Variants in GTSF1 observed in about 807,000 individuals in gnomAD.
The protein encoded by GTSF1 is gametocyte specific factor 1.
In GTSF1, 11 loss-of-function variants were observed where a neutral mutation model predicts 28.9. The observed-to-expected ratio is 0.38, with a 90% CI of 0.24 to 0.63. The LOEUF (loss-of-function observed/expected upper bound fraction) is 0.63. Ranked by LOEUF, GTSF1 falls within the 30% of genes least tolerant of loss-of-function variation. The probability of loss-of-function intolerance (pLI) is 0.56; values close to 1 mark genes in which losing one functional copy is unlikely to be tolerated. For synonymous variants in GTSF1, 69 were observed against 65.6 expected, an observed-to-expected ratio of 1.05 and a Z score of -0.25; for missense variants, 146 against 201.0, an observed-to-expected ratio of 0.73 and a Z score of 1.66.
intron 8 of GTSF1, among the ~76,000 whole-genome samples, chr12:54,458,298 G>A (rs1188213157): frequency 6.6e-6 from 1 of 152,232 alleles, no homozygotes; most frequent in Non-Finnish European, 1.5e-5. Flanking sequence ...TAGATTTTGT[G>A]AGGTTCTGCT....
In GTSF1 at chr12:54,460,121, G is replaced by A. The variant is rs117491780; in HGVS notation, c.487+256C>T. Among the ~76,000 whole-genome samples, 881 of 152,228 alleles carry A rather than the reference G, an allele frequency of 5.8e-3. 8 individuals carry two copies. Among genetic ancestry groups the A allele is most frequent in the Non-Finnish European group, 8.5e-3 (577 of 68,018 alleles). The stretch of plus-strand genomic sequence containing the variant: ...CCCAAATTTTCTCATGGTATTTGAC[G>A]TCAGTGGTCACCCCATTTTGAAAAT... On this transcript the variant is annotated intron_variant, in intron 7 of 8. Coordinates refer to ENST00000305879, the MANE Select transcript of GTSF1 (RefSeq NM_144594.3).
chr12:54,468,151 A>G (rs541037964), intron 2 of GTSF1, among the ~76,000 whole-genome samples: 1 of 152,184 alleles, frequency 6.6e-6, no homozygotes, highest in East Asian at 1.9e-4. Context: ...TTTTTGAGAC[A>G]GGGTCTTGCT....
chr12:54,462,605 T>C, intron 5 of GTSF1, 37 bp downstream of exon 5: 2 of 1,515,754 alleles, frequency 1.3e-6, no homozygotes, highest in Non-Finnish European at 1.8e-6. Context: ...ACTTGAGATT[T>C]AGACATTGTG....
intron 7 of GTSF1, chr12:54,459,583 T>A: frequency 2.0e-6 from 1 of 502,460 alleles, no homozygotes; most frequent in Non-Finnish European, 3.1e-6. Context: ...CAGCATGACC[T>A]CTAAAGTCTG....
At chr12:54,463,982 A>G (rs1376625326) in intron 3 of GTSF1, among the ~76,000 whole-genome samples, 4 of 152,234 alleles carry the variant, frequency 2.6e-5, no homozygotes, top group Non-Finnish European at 5.9e-5. Flanking sequence ...CCTATATCCT[A>G]TGGCAAATAT....
chr12:54,458,528 C>T (rs1321557907), intron 8 of GTSF1, among the ~76,000 whole-genome samples: 4 of 152,096 alleles, frequency 2.6e-5, no homozygotes, highest in Non-Finnish European at 5.9e-5. Context: ...TGCACCACCA[C>T]GCCCGGCTAA....
rs914226185 is a variant in GTSF1 at position 54,465,050 on chromosome 12, G to A, written c.117+17C>T. On this transcript the variant is annotated intron_variant, in intron 3 of 8. Coordinates refer to ENST00000305879, the MANE Select transcript of GTSF1 (RefSeq NM_144594.3). ...AAAGAACTCAGGAGGGTGTTAGAGGGCAAATTATGACCCTACCTTTCTGCA... is the reference window on the plus strand; with the variant it reads ...AAAGAACTCAGGAGGGTGTTAGAGGACAAATTATGACCCTACCTTTCTGCA... The A allele has an allele frequency of 1.3e-5, 21 of 1,567,952 alleles. No homozygotes were observed. The highest frequency in any genetic ancestry group is 1.8e-5 in the Non-Finnish European group (21 of 1,139,044).
At chr12:54,462,039 G>A (rs759120398) in intron 6 of GTSF1, 70 bp downstream of exon 6, 8 of 1,111,868 alleles carry the variant, frequency 7.2e-6, no homozygotes, top group African/African-American at 1.5e-5. Flanking sequence ...TTCATGCTCC[G>A]GTGGCTTCTC....
chr12:54,456,215 A>C (rs886367250), intron 8 of GTSF1, 62 bp from the exon 9 acceptor site: 1 of 152,286 alleles, frequency 6.6e-6, no homozygotes, highest in Non-Finnish European at 1.5e-5. Flanking sequence ...CACCAACTAC[A>C]TCTGACAATG....
intron 7 of GTSF1, chr12:54,459,446 A>T (rs1403969627): frequency 7.5e-7 from 1 of 1,334,260 alleles, no homozygotes; most frequent in Non-Finnish European, 9.8e-7. Flanking sequence ...AATCAAGAGA[A>T]TCTGAATCTA....
chr12:54,460,270 G>C, intron 7 of GTSF1, 107 bp downstream of exon 7: 2 of 779,806 alleles, frequency 2.6e-6, no homozygotes, highest in Non-Finnish European at 4.3e-6. Context: ...TCACTTTAAG[G>C]GTCATGGAAA....
chr12:54,462,040 G>T, intron 6 of GTSF1, 69 bp downstream of exon 6: 1 of 1,135,118 alleles, frequency 8.8e-7, no homozygotes, highest in Non-Finnish European at 1.3e-6. Flanking sequence ...TCATGCTCCG[G>T]TGGCTTCTCT....
chr12:54,460,800 C>T (rs946288508), intron 6 of GTSF1, among the ~76,000 whole-genome samples: 4 of 152,118 alleles, frequency 2.6e-5, no homozygotes, highest in Admixed American at 6.5e-5. Flanking sequence ...AAATAAAGTG[C>T]TAAGGCAACC....
chr12:54,464,749 T>C (rs1176461996), intron 3 of GTSF1: 1 of 176,604 alleles, frequency 5.7e-6, no homozygotes, highest in African/African-American at 2.4e-5. Flanking sequence ...GGCTCATGAA[T>C]ACATCAAATT....
At chr12:54,460,306 C>T in intron 7 of GTSF1, 71 bp downstream of exon 7, 1 of 1,163,204 alleles carries the variant, frequency 8.6e-7, no homozygotes. Context: ...CTGAACACAT[C>T]TGAATAATCA....
intron 7 of GTSF1, chr12:54,459,350 T>C: frequency 7.0e-7 from 1 of 1,427,990 alleles, no homozygotes; most frequent in Non-Finnish European, 9.2e-7. Flanking sequence ...CTTCATTTTT[T>C]GGGAAATGCA....
chr12:54,471,258 G>T lies in GTSF1; in HGVS notation c.-10C>A, dbSNP rs748198162. 1.0e-5 allele frequency: 16 copies of T among 1,591,324 alleles called. No homozygotes were observed. The highest frequency in any genetic ancestry group is 1.4e-5 in the Non-Finnish European group (16 of 1,171,060). ...TGTAAGTTTCTTCCATGTTGGAAAT[G>T]AAGAAGCTGAATCCAAGTGCTGGAA... On this transcript the variant is annotated 5_prime_UTR_variant, in exon 2 of 9. Transcript: ENST00000305879.
At chr12:54,461,715 C>T (rs1036794962) in intron 6 of GTSF1, among the ~76,000 whole-genome samples, 3 of 152,094 alleles carry the variant, frequency 2.0e-5, no homozygotes, top group Non-Finnish European at 4.4e-5. Flanking sequence ...CTGGATTTTC[C>T]AATCTCAAAT....
chr12:54,469,926 A>G lies in GTSF1; in HGVS notation c.16+1307T>C, dbSNP rs113917742. On this transcript the variant is annotated intron_variant, in intron 2 of 8. Transcript: ENST00000305879. ...GGTGGCTCACACCTGTAATCCCAGC[A>G]CTTTGGGAGGCCAAGGCAGGTGGAT... Among the ~76,000 whole-genome samples the G allele has an allele frequency of 4.3e-3, 655 of 152,222 alleles. 11 individuals carry two copies. Among genetic ancestry groups the G allele is most frequent in the African/African-American group, 0.015 (636 of 41,560 alleles).
Sources: allele counts gnomAD v4.1 joint callset (sites outside exome capture counted in the v4.1 genomes callset), GRCh38; gene constraint gnomAD v4.1.1; transcripts MANE v1.5; gene names NCBI Gene and HGNC (gene_info 2026-07-23, HGNC 2026-07-21).